The following CCNJ variants were observed in gnomAD, a reference collection of about 807,000 sequenced individuals.
The protein encoded by CCNJ is cyclin-J.
Under a neutral mutation model 41.4 loss-of-function variants are expected in CCNJ, and 12 were observed. The observed-to-expected ratio is 0.29, with a 90% CI of 0.19 to 0.47. The LOEUF is 0.47. CCNJ is among the 20% of genes least tolerant of loss of function. The pLI is 1.00. For missense variants in CCNJ, 340 were observed against 464.6 expected, an observed-to-expected ratio of 0.73 and a Z score of 2.47; for synonymous variants, 161 against 173.4, an observed-to-expected ratio of 0.93 and a Z score of 0.56.
Position 96,059,419 on chromosome 10 carries a change from G to C in CCNJ, c.*1178G>C, listed in dbSNP as rs1290896037. On this transcript the variant is annotated 3_prime_UTR_variant, in exon 6 of 6. Transcript: ENST00000465148. ...TTTCAGTAGCTACTTTCATTGGATT[G>C]ACCCTACAACTGCCCTGGGACATTT... 1.3e-5 allele frequency: 2 copies of C among 152,606 alleles called. No homozygotes were observed. The highest frequency in any genetic ancestry group is 2.9e-5 in the Non-Finnish European group (2 of 68,038). The allele number at this position is 152,606 out of a possible 1,614,324, so 9.5% of individuals were successfully genotyped here.
intron 3 of CCNJ, among the ~76,000 whole-genome samples, chr10:96,054,621 G>C (rs1399091840): frequency 6.6e-6 from 1 of 152,178 alleles, no homozygotes; most frequent in Admixed American, 6.5e-5. Flanking sequence ...TTCTGGTCTA[G>C]AAGTGCAAAT....
intron 3 of CCNJ, among the ~76,000 whole-genome samples, chr10:96,055,430 C>T (rs571471473): frequency 2.0e-5 from 3 of 152,272 alleles, no homozygotes; most frequent in Non-Finnish European, 4.4e-5. Context: ...AACAAAGACC[C>T]AAAGAGGCTT....
intron 3 of CCNJ, among the ~76,000 whole-genome samples, chr10:96,053,993 G>A (rs1376808010): frequency 6.6e-6 from 1 of 152,158 alleles, no homozygotes; most frequent in Admixed American, 6.5e-5. Flanking sequence ...CAGAGCACTC[G>A]GTGACATCTG....
chr10:96,050,234 A>C, intron 2 of CCNJ, 22 bp from the exon 3 acceptor site: 1 of 1,548,296 alleles, frequency 6.5e-7, no homozygotes, highest in Non-Finnish European at 8.9e-7. Flanking sequence ...GGTCAGACTA[A>C]ATGTTGTTCC....
At position 96,059,432 on chromosome 10, in the gene CCNJ, C is replaced by CCCTGGGACATTTCACTGTA. The variant is rs2080772303; in HGVS notation, c.*1194_*1212dup. 6.6e-6 allele frequency: 1 copy of CCCTGGGACATTTCACTGTA among 152,580 alleles called. No homozygotes were observed. Among genetic ancestry groups the CCCTGGGACATTTCACTGTA allele is most frequent in the Non-Finnish European group, 1.5e-5 (1 of 68,038 alleles). 9.5% of individuals were successfully genotyped at this position (152,580 alleles called of 1,614,324 possible). ...TTTCATTGGATTGACCCTACAACTG[C>CCCTGGGACATTTCACTGTA]CCTGGGACATTTCACTGTACCAGTA... On this transcript the variant is annotated 3_prime_UTR_variant, in exon 6 of 6. Transcript: ENST00000465148.
At position 96,049,481 on chromosome 10, in the gene CCNJ, CTTTTTTTT is replaced by C. The variant is rs150769179; in HGVS notation, c.70-764_70-757del. 1.1e-4 allele frequency among the ~76,000 whole-genome samples: 12 copies of C among 108,300 alleles called. No individual in the cohort carries two copies. The East Asian group carries it at 2.5e-3, about 22-fold the overall frequency. The allele number at this position is 108,300 out of a possible 152,430, so 71.0% of individuals were successfully genotyped here. On this transcript the variant is annotated intron_variant, in intron 2 of 5. Coordinates refer to ENST00000465148, the MANE Select transcript of CCNJ (RefSeq NM_001134375.2). Reference sequence around the variant, plus strand: ...CCATTTCTCTTTTCTTTTTCTTTTTCTTTTTTTTTTTTTTTTTTGCAGGGTAGGGGAAG... The same window carrying C: ...CCATTTCTCTTTTCTTTTTCTTTTTCTTTTTTTTTTGCAGGGTAGGGGAAG...
At chr10:96,048,595 CA>C (rs2080430299) in intron 2 of CCNJ, among the ~76,000 whole-genome samples, 1 of 152,174 alleles carries the variant, frequency 6.6e-6, no homozygotes, top group Non-Finnish European at 1.5e-5. Flanking sequence ...GATTACTCCC[CA>C]ATTTCCCACC....
chr10:96,044,705 T>A (rs557805161), intron 2 of CCNJ, among the ~76,000 whole-genome samples: 1 of 152,322 alleles, frequency 6.6e-6, no homozygotes, highest in East Asian at 1.9e-4. Flanking sequence ...GAAAGGGGCG[T>A]TCTGGCTTCC....
chr10:96,058,382 A>G lies in CCNJ; in HGVS notation c.*141A>G. ...GGTACCAGCACCAGGAAGACTGAAT[A>G]TCCTTTTTAATGCACCATGAATCCT... On this transcript the variant is annotated 3_prime_UTR_variant, in exon 6 of 6. Transcript: ENST00000465148. The G allele has an allele frequency of 1.6e-6, 1 of 637,466 alleles. No individual in the cohort carries two copies. Among genetic ancestry groups the G allele is most frequent in the Non-Finnish European group, 2.7e-6 (1 of 367,724 alleles). 39.5% of individuals were successfully genotyped at this position (637,466 alleles called of 1,614,324 possible).
intron 2 of CCNJ, among the ~76,000 whole-genome samples, chr10:96,047,792 T>C (rs1048894105): frequency 5.3e-5 from 8 of 152,248 alleles, no homozygotes; most frequent in Non-Finnish European, 8.8e-5. Flanking sequence ...CCCCAACTTT[T>C]AAGTTCAGGG....
chr10:96,044,386 C>G lies in CCNJ; in HGVS notation c.-8C>G. 6.6e-7 allele frequency: 1 copy of G among 1,522,568 alleles called. No individual in the cohort carries two copies. Among genetic ancestry groups the G allele is most frequent in the South Asian group, 1.2e-5 (1 of 80,792 alleles). The allele number at this position is 1,522,568 out of a possible 1,614,324, so 94.3% of individuals were successfully genotyped here. ...TGCCGCGTCGGGCTGGGCGCGCCGC[C>G]GGGTCCCATGGAGCTGGAGGGGCAG... is the stretch of plus-strand genomic sequence containing the variant. On this transcript the variant is annotated 5_prime_UTR_variant, in exon 2 of 6. Coordinates refer to ENST00000465148, the MANE Select transcript of CCNJ (RefSeq NM_001134375.2).
rs753115988 is a variant in CCNJ at position 96,058,160 on chromosome 10, G to T, written c.1071G>T (p.Lys357Asn). 1.2e-6 allele frequency: 2 copies of T among 1,614,106 alleles called. No homozygotes were observed. Among genetic ancestry groups the T allele is most frequent in the Admixed American group, 1.7e-5 (1 of 60,022 alleles). ...GMSLAIPVEVKPCLSVSYNRS... is the reference protein window; with the variant it reads ...GMSLAIPVEVNPCLSVSYNRS... ...CACTGGCAATACCAGTAGAAGTTAAGCCCTGTCTGAGTGTTTCTTACAACC... is the reference window on the plus strand; with the variant it reads ...CACTGGCAATACCAGTAGAAGTTAATCCCTGTCTGAGTGTTTCTTACAACC... Residue 357 changes from lysine (K) to asparagine (N), a missense_variant, in exon 6 of 6, where the codon AAG (lysine) becomes AAT (asparagine). Transcript: ENST00000465148.
chr10:96,059,708 G>C lies in CCNJ; in HGVS notation c.*1467G>C, dbSNP rs559963144. The C allele has an allele frequency of 1.2e-4, 19 of 152,634 alleles. No homozygotes were observed. The highest frequency in any genetic ancestry group is 4.3e-4 in the African/African-American group (18 of 41,534). 9.5% of individuals were successfully genotyped at this position (152,634 alleles called of 1,614,324 possible). On this transcript the variant is annotated 3_prime_UTR_variant, in exon 6 of 6. Transcript: ENST00000465148. ...AGGGAAAACTGCATGGCAGATACGTGACTGCCACAATATGCATCGAAGACA... is the reference window on the plus strand; with the variant it reads ...AGGGAAAACTGCATGGCAGATACGTCACTGCCACAATATGCATCGAAGACA...
rs906051522 is a variant in CCNJ at position 96,058,463 on chromosome 10, G to C, written c.*222G>C. The C allele has an allele frequency of 1.6e-5, 8 of 514,426 alleles. No homozygotes were observed. Among genetic ancestry groups the C allele is most frequent in the Non-Finnish European group, 2.7e-5 (8 of 291,152 alleles). The allele number at this position is 514,426 out of a possible 1,614,324, so 31.9% of individuals were successfully genotyped here. On this transcript the variant is annotated 3_prime_UTR_variant, in exon 6 of 6. Transcript: ENST00000465148. ...ATTCTGTTACAACAAATCCCTGTAT[G>C]ACAAAAATGTTCAAGTCCTGGCTGA...
intron 2 of CCNJ, among the ~76,000 whole-genome samples, chr10:96,047,706 G>C (rs1184292849): frequency 6.6e-6 from 1 of 152,122 alleles, no homozygotes; most frequent in Non-Finnish European, 1.5e-5. Flanking sequence ...ATTTATCTTA[G>C]GTAATATTAA....
intron 3 of CCNJ, among the ~76,000 whole-genome samples, chr10:96,050,853 CT>C (rs1324168529): frequency 6.6e-6 from 1 of 152,186 alleles, no homozygotes; most frequent in Non-Finnish European, 1.5e-5. Flanking sequence ...ACAGGGAACA[CT>C]TGGCAACGTG....
At position 96,043,654 on chromosome 10, in the gene CCNJ, A is replaced by G; in HGVS notation, c.-107A>G. ...CGGCGCTTAGCGGCCCACTGTCCGC[A>G]GCATGAGCGGGGCCGGCGTCCGCCG... On this transcript the variant is annotated 5_prime_UTR_variant, in exon 1 of 6. Coordinates refer to ENST00000465148, the MANE Select transcript of CCNJ (RefSeq NM_001134375.2). 1 of 394,730 alleles carries G rather than the reference A, an allele frequency of 2.5e-6. No homozygotes were observed. The allele number at this position is 394,730 out of a possible 1,614,324, so 24.5% of individuals were successfully genotyped here.
Position 96,044,357 on chromosome 10 carries a change from G to C in CCNJ, c.-37G>C. The C allele has an allele frequency of 2.0e-6, 3 of 1,493,956 alleles. No individual in the cohort carries two copies. Among genetic ancestry groups the C allele is most frequent in the Non-Finnish European group, 2.7e-6 (3 of 1,112,418 alleles). The allele number at this position is 1,493,956 out of a possible 1,614,324, so 92.5% of individuals were successfully genotyped here. A position where few individuals can be genotyped will look rare whatever the true frequency, so the allele number is the denominator to read the frequency against. On this transcript the variant is annotated 5_prime_UTR_variant, in exon 2 of 6. Transcript: ENST00000465148. ...CGCCTGGGGTGTGTCTTACAGACTC[G>C]AGTTGCCGCGTCGGGCTGGGCGCGC...
Position 96,060,093 on chromosome 10 carries a change from G to C in CCNJ, c.*1852G>C, listed in dbSNP as rs1376235463. ...TAAAGAAGGCTGCTAATTGGATTTT[G>C]GTAGTTCTTACCTCAAGAAAACTTG... is the stretch of plus-strand genomic sequence containing the variant. On this transcript the variant is annotated 3_prime_UTR_variant, in exon 6 of 6. Coordinates refer to ENST00000465148, the MANE Select transcript of CCNJ (RefSeq NM_001134375.2). 2 of 152,510 alleles carry C rather than the reference G, an allele frequency of 1.3e-5. No homozygotes were observed. Among genetic ancestry groups the C allele is most frequent in the African/African-American group, 4.8e-5 (2 of 41,394 alleles). 9.4% of individuals were successfully genotyped at this position (152,510 alleles called of 1,614,324 possible).
Sources: gnomAD v4.1 joint callset for allele counts (sites outside exome capture counted in the v4.1 genomes callset) on GRCh38, gnomAD v4.1.1 for gene constraint, MANE v1.5 for transcripts, NCBI Gene and HGNC (gene_info 2026-07-23, HGNC 2026-07-21) for gene names.